The following CCDC192 variants were observed in gnomAD, a reference collection of about 807,000 sequenced individuals.
CCDC192 encodes the protein coiled-coil domain containing 192.
intron 6 of CCDC192, among the ~76,000 whole-genome samples, chr5:127,904,812 A>T (rs1753153082): frequency 6.6e-6 from 1 of 152,060 alleles, no homozygotes; most frequent in South Asian, 2.1e-4. Flanking sequence ...TGGCAGAGAC[A>T]TTTAATGCTC....
chr5:127,834,688 T>G (rs1580727829), intron 5 of CCDC192, among the ~76,000 whole-genome samples: 3 of 152,186 alleles, frequency 2.0e-5, no homozygotes, highest in Non-Finnish European at 4.4e-5. Flanking sequence ...GTGCAAACAC[T>G]AATCTCCCGG....
chr5:127,868,837 T>C (rs1751722699), intron 5 of CCDC192, among the ~76,000 whole-genome samples: 1 of 150,886 alleles, frequency 6.6e-6, no homozygotes, highest in African/African-American at 2.4e-5. Flanking sequence ...CTCCCCACAA[T>C]GTAGGACACT....
intron 5 of CCDC192, among the ~76,000 whole-genome samples, chr5:127,871,059 G>A (rs1468339350): frequency 6.6e-6 from 1 of 152,222 alleles, no homozygotes; most frequent in Non-Finnish European, 1.5e-5. Flanking sequence ...GTGGGAGGAA[G>A]CTCTGCCCTG....
chr5:127,752,445 C>T (rs930373054), intron 2 of CCDC192, among the ~76,000 whole-genome samples: 30 of 152,186 alleles, frequency 2.0e-4, no homozygotes, highest in Non-Finnish European at 3.5e-4. Context: ...GGTCAGGGAC[C>T]CACTTGAGGA....
At chr5:127,718,405 C>T (rs1329915246) in intron 2 of CCDC192, among the ~76,000 whole-genome samples, 1 of 152,130 alleles carries the variant, frequency 6.6e-6, no homozygotes, top group Non-Finnish European at 1.5e-5. Flanking sequence ...ATCAGATACC[C>T]ATGACATTTT....
intron 5 of CCDC192, among the ~76,000 whole-genome samples, chr5:127,837,574 A>T (rs1750079635): frequency 1.3e-5 from 2 of 151,378 alleles, no homozygotes; most frequent in Non-Finnish European, 1.5e-5. Flanking sequence ...AAGCCTAACC[A>T]TATCAGAATG....
intron 6 of CCDC192, among the ~76,000 whole-genome samples, chr5:127,894,955 A>G (rs1420234219): frequency 2.0e-5 from 3 of 152,216 alleles, no homozygotes; most frequent in African/African-American, 7.2e-5. Context: ...TTGAAAAGTT[A>G]TATAATCTGG....
At chr5:127,750,932 G>T (rs981381492) in intron 2 of CCDC192, among the ~76,000 whole-genome samples, 1 of 149,542 alleles carries the variant, frequency 6.7e-6, no homozygotes, top group African/African-American at 2.5e-5. Context: ...GACTAAGATT[G>T]CAACCCCTGC....
At chr5:127,709,193 GAGAGAGGGGGAGA>G (rs1561438602) in intron 2 of CCDC192, among the ~76,000 whole-genome samples, 64 of 110,300 alleles carry the variant, frequency 5.8e-4, no homozygotes, top group African/African-American at 2.2e-3. Flanking sequence ...GAGAGAGGTG[GAGAGAGGGGGAGA>G]GAGAGAGAGA....
chr5:127,768,594 C>CT (rs1218236875), intron 3 of CCDC192, among the ~76,000 whole-genome samples: 3 of 152,152 alleles, frequency 2.0e-5, no homozygotes, highest in African/African-American at 7.2e-5. Flanking sequence ...TTGTGGTACT[C>CT]TTTTATGGCA....
chr5:127,776,001 T>C (rs1057181879), intron 3 of CCDC192, among the ~76,000 whole-genome samples: 1 of 152,222 alleles, frequency 6.6e-6, no homozygotes, highest in African/African-American at 2.4e-5. Context: ...TATGTCTTTA[T>C]TAGCAGCATG....
At chr5:127,830,274 T>C (rs1749725922) in intron 5 of CCDC192, among the ~76,000 whole-genome samples, 1 of 152,180 alleles carries the variant, frequency 6.6e-6, no homozygotes, top group Non-Finnish European at 1.5e-5. Flanking sequence ...CTAAGATCAG[T>C]GGTTTCCATT....
intron 2 of CCDC192, among the ~76,000 whole-genome samples, chr5:127,727,478 AG>A (rs1366218231): frequency 6.7e-6 from 1 of 150,270 alleles, no homozygotes; most frequent in African/African-American, 2.5e-5. Context: ...ATCTAAAAAA[AG>A]AAAAAAAAAA....
intron 6 of CCDC192, among the ~76,000 whole-genome samples, chr5:127,910,267 G>A (rs1438604837): frequency 6.6e-6 from 1 of 152,170 alleles, no homozygotes; most frequent in Non-Finnish European, 1.5e-5. Context: ...CAAGATCACT[G>A]CTTGGTGGGT....
chr5:127,751,553 T>C (rs1441822483), intron 2 of CCDC192, among the ~76,000 whole-genome samples: 1 of 152,186 alleles, frequency 6.6e-6, no homozygotes, highest in Non-Finnish European at 1.5e-5. Context: ...TAACATTTTT[T>C]CCTTCATTTC....
chr5:127,767,957 AG>A (rs1402858028), intron 3 of CCDC192, among the ~76,000 whole-genome samples: 1 of 152,194 alleles, frequency 6.6e-6, no homozygotes, highest in East Asian at 1.9e-4. Context: ...ACATGTAAGT[AG>A]TAAAGATAAG....
chr5:127,799,828 G>A (rs1463872182), intron 5 of CCDC192, among the ~76,000 whole-genome samples: 1 of 152,070 alleles, frequency 6.6e-6, no homozygotes, highest in Non-Finnish European at 1.5e-5. Flanking sequence ...ATATGTAATT[G>A]TCCAACATTC....
At chr5:127,724,141 T>C (rs1017609734) in intron 2 of CCDC192, among the ~76,000 whole-genome samples, 1 of 152,204 alleles carries the variant, frequency 6.6e-6, no homozygotes, top group Non-Finnish European at 1.5e-5. Flanking sequence ...TACCATTTTT[T>C]CAACTCATTT....
chr5:127,709,054 A>G (rs941048919), intron 2 of CCDC192, among the ~76,000 whole-genome samples: 20 of 149,590 alleles, frequency 1.3e-4, no homozygotes, highest in Non-Finnish European at 1.5e-5. Context: ...GAAGGTTCCA[A>G]TTAGGCTTTC....
Sources: gnomAD v4.1 joint callset for allele counts (sites outside exome capture counted in the v4.1 genomes callset) on GRCh38, gnomAD v4.1.1 for gene constraint, MANE v1.5 for transcripts, NCBI Gene and HGNC (gene_info 2026-07-23, HGNC 2026-07-21) for gene names.